Variants in CDH12 observed in about 807,000 individuals in gnomAD.
The protein encoded by CDH12 is cadherin-12.
CDH12 carries 41 observed loss-of-function variants against 74.1 expected under a neutral mutation model. The observed-to-expected ratio is 0.55, with a 90% CI of 0.43 to 0.72. The LOEUF (loss-of-function observed/expected upper bound fraction) is 0.72, where lower values mean the gene tolerates loss of function less well. Ranked by LOEUF, CDH12 falls within the 30% of genes least tolerant of loss-of-function variation. The pLI is 0.00. For synonymous variants in CDH12, 399 were observed against 355.0 expected (o/e 1.12, Z -1.39); for missense variants, 945 against 977.2 (o/e 0.97, Z 0.44).
chr5:22,461,341 T>A (rs1333950926), intron 2 of CDH12, among the ~76,000 whole-genome samples: 1 of 151,994 alleles, frequency 6.6e-6, no homozygotes, highest in Non-Finnish European at 1.5e-5. Context: ...AGCAATATTG[T>A]AATTGCTCTA....
chr5:21,757,622 A>ATGT (rs1353983081), intron 13 of CDH12, among the ~76,000 whole-genome samples: 33 of 152,214 alleles, frequency 2.2e-4, no homozygotes, highest in Non-Finnish European at 4.1e-4. Context: ...GGTAAATGGC[A>ATGT]CCTGAAATTT....
chr5:22,331,030 T>C (rs1242117920), intron 3 of CDH12, among the ~76,000 whole-genome samples: 1 of 151,768 alleles, frequency 6.6e-6, no homozygotes. Flanking sequence ...TCCCCATGGG[T>C]TGTTGTTGGT....
intron 3 of CDH12, among the ~76,000 whole-genome samples, chr5:22,376,035 C>T (rs988371038): frequency 1.3e-5 from 2 of 152,074 alleles, no homozygotes; most frequent in African/African-American, 4.8e-5. Context: ...CATTATTCAC[C>T]ATTGCAAAAA....
chr5:22,134,069 C>T (rs938763118), intron 4 of CDH12, among the ~76,000 whole-genome samples: 8 of 152,196 alleles, frequency 5.3e-5, no homozygotes, highest in Non-Finnish European at 1.2e-4. Context: ...CAAGATGCTT[C>T]AGTTCAGATA....
intron 5 of CDH12, among the ~76,000 whole-genome samples, chr5:22,077,454 G>A (rs1331871647): frequency 6.6e-6 from 1 of 152,050 alleles, no homozygotes; most frequent in Non-Finnish European, 1.5e-5. Context: ...CTGCTCAAGA[G>A]TCATGATCTT....
At chr5:22,321,333 C>T (rs1044174483) in intron 3 of CDH12, among the ~76,000 whole-genome samples, 55 of 148,052 alleles carry the variant, frequency 3.7e-4, no homozygotes, top group Non-Finnish European at 5.7e-4. Flanking sequence ...GATGAGTTCA[C>T]GTCCTTTGTA....
At chr5:22,833,149 G>A (rs574385340) in intron 1 of CDH12, among the ~76,000 whole-genome samples, 41 of 152,238 alleles carry the variant, frequency 2.7e-4, no homozygotes, top group Non-Finnish European at 4.3e-4. Context: ...ACTTTTGATA[G>A]AATCTGGACT....
intron 2 of CDH12, among the ~76,000 whole-genome samples, chr5:22,486,615 C>T (rs1434763798): frequency 5.3e-5 from 8 of 151,844 alleles, no homozygotes; most frequent in African/African-American, 1.7e-4. Context: ...CCATTCCTGG[C>T]TAATTTTTTT....
At chr5:21,993,446 A>C (rs2150137372) in intron 5 of CDH12, among the ~76,000 whole-genome samples, 1 of 152,286 alleles carries the variant, frequency 6.6e-6, no homozygotes, top group Admixed American at 6.5e-5. Flanking sequence ...GTAAAGCAGA[A>C]AGTTTTTTCC....
intron 1 of CDH12, among the ~76,000 whole-genome samples, chr5:22,643,733 CTTTTTTTTTTTTTTT>C (rs762944279): frequency 2.0e-5 from 1 of 51,202 alleles, no homozygotes; most frequent in African/African-American, 7.9e-5. Context: ...TTTAAGGTAT[CTTTTTTTTTTTTTTT>C]TTTTTTTTTT....
chr5:21,937,128 G>A (rs1214189486), intron 6 of CDH12, among the ~76,000 whole-genome samples: 1 of 152,182 alleles, frequency 6.6e-6, no homozygotes, highest in Non-Finnish European at 1.5e-5. Context: ...TAACAATGTG[G>A]CATTAAAACA....
intron 3 of CDH12, among the ~76,000 whole-genome samples, chr5:22,310,814 T>G (rs1738357290): frequency 6.6e-6 from 1 of 152,168 alleles, no homozygotes; most frequent in Admixed American, 6.5e-5. Context: ...TCTAATCTGA[T>G]CATATTGAAA....
intron 2 of CDH12, among the ~76,000 whole-genome samples, chr5:22,497,371 C>T (rs568612802): frequency 1.3e-5 from 2 of 152,282 alleles, no homozygotes; most frequent in Non-Finnish European, 2.9e-5. Flanking sequence ...GGATCTTTCT[C>T]ATTTCCTCAC....
chr5:22,174,543 T>C (rs1435480775), intron 4 of CDH12, among the ~76,000 whole-genome samples: 1 of 151,944 alleles, frequency 6.6e-6, no homozygotes, highest in Non-Finnish European at 1.5e-5. Context: ...GCAGAAATCA[T>C]GAATTGGAAA....
intron 7 of CDH12, among the ~76,000 whole-genome samples, chr5:21,851,785 T>A (rs1376253275): frequency 6.6e-6 from 1 of 151,384 alleles, no homozygotes; most frequent in East Asian, 1.9e-4. Flanking sequence ...GAACTTGCCA[T>A]ATCCACTTAG....
chr5:22,305,358 AC>A (rs1738058935), intron 3 of CDH12, among the ~76,000 whole-genome samples: 1 of 152,098 alleles, frequency 6.6e-6, no homozygotes, highest in South Asian at 2.1e-4. Flanking sequence ...CATTATTATC[AC>A]AGGTTGGAGT....
intron 1 of CDH12, among the ~76,000 whole-genome samples, chr5:22,783,602 T>G (rs1394302109): frequency 6.6e-6 from 1 of 152,158 alleles, no homozygotes; most frequent in Admixed American, 6.6e-5. Context: ...GAGAAAATTT[T>G]AAGCTCAAAA....
intron 2 of CDH12, among the ~76,000 whole-genome samples, chr5:22,482,993 A>G (rs1425595901): frequency 6.6e-6 from 1 of 152,196 alleles, no homozygotes; most frequent in Non-Finnish European, 1.5e-5. Flanking sequence ...TTCTTAAAAA[A>G]TTATCTAGTG....
chr5:22,669,631 A>T (rs1740802019), intron 1 of CDH12, among the ~76,000 whole-genome samples: 1 of 152,128 alleles, frequency 6.6e-6, no homozygotes, highest in African/African-American at 2.4e-5. Context: ...AACTTTTGTC[A>T]TTTGTCCCTT....
Sources: allele counts gnomAD v4.1 joint callset (sites outside exome capture counted in the v4.1 genomes callset), GRCh38; gene constraint gnomAD v4.1.1; transcripts MANE v1.5; gene names NCBI Gene and HGNC (gene_info 2026-07-23, HGNC 2026-07-21).